Variants in RLIM observed in about 807,000 individuals in gnomAD.
RLIM encodes the protein ring finger protein, LIM domain interacting, also known as E3 ubiquitin-protein ligase RLIM.
Under a neutral mutation model 34.0 loss-of-function variants are expected in RLIM, and 2 were observed. The observed-to-expected ratio is 0.06, with a 90% CI of 0.02 to 0.19. The LOEUF is 0.19. Ranked by LOEUF, RLIM falls within the 10% of genes least tolerant of loss-of-function variation. RLIM has a pLI of 1.00. For missense variants in RLIM, 286 were observed against 479.7 expected (o/e 0.60, Z 3.77); for synonymous variants, 169 against 164.0 (o/e 1.03, Z -0.23).
intron 1 of RLIM, among the ~76,000 whole-genome samples, chrX:74,597,600 T>G (rs1325941264): frequency 8.9e-6 from 1 of 111,957 alleles, no homozygotes; most frequent in Non-Finnish European, 1.9e-5. Flanking sequence ...AAAATATATA[T>G]GGAATGGAAA....
At chrX:74,603,301 C>T (rs768862397) in intron 1 of RLIM, among the ~76,000 whole-genome samples, 2 of 110,226 alleles carry the variant, frequency 1.8e-5, no homozygotes, top group Admixed American at 1.9e-4. Flanking sequence ...GCTTTACCAC[C>T]GTCACAATGT....
intron 1 of RLIM, among the ~76,000 whole-genome samples, chrX:74,596,404 C>A (rs756585934): frequency 9.0e-6 from 1 of 111,664 alleles, no homozygotes; most frequent in African/African-American, 3.3e-5. Context: ...TGCCACCACG[C>A]CCAGCTAATT....
intron 1 of RLIM, among the ~76,000 whole-genome samples, chrX:74,608,748 T>C (rs1394770491): frequency 8.9e-6 from 1 of 112,240 alleles, no homozygotes; most frequent in Non-Finnish European, 1.9e-5. Context: ...ACTAAAACGC[T>C]CTAAAACAGT....
intron 1 of RLIM, among the ~76,000 whole-genome samples, chrX:74,611,766 T>C (rs1028744439): frequency 8.9e-6 from 1 of 112,290 alleles, no homozygotes; most frequent in Non-Finnish European, 1.9e-5. Flanking sequence ...TGGGATAAAA[T>C]GAGGGCTCCA....
At chrX:74,611,782 T>A in intron 1 of RLIM, among the ~76,000 whole-genome samples, 1 of 112,231 alleles carries the variant, frequency 8.9e-6, no homozygotes, top group Non-Finnish European at 1.9e-5. Flanking sequence ...CTCCACCACT[T>A]AAAGCTATTT....
intron 1 of RLIM, chrX:74,612,692 T>C (rs1173166304): frequency 9.0e-6 from 1 of 110,567 alleles, no homozygotes; most frequent in African/African-American, 3.3e-5. Context: ...AAGATACACA[T>C]TTTCTTTGAA....
rs1931321598 is a variant in RLIM at position 74,585,331 on chromosome X, C to T, written c.*6109G>A. On this transcript the variant is annotated 3_prime_UTR_variant, in exon 4 of 4. Transcript: ENST00000332687. ...TTATAACATATAAACCAGTACCTGC[C>T]CACACTCATAGCAGTGAGGGGAATA... 1 of 111,812 alleles carries T rather than the reference C, an allele frequency of 8.9e-6. No individual in the cohort carries two copies. Among genetic ancestry groups the T allele is most frequent in the Admixed American group, 9.5e-5 (1 of 10,509 alleles). The allele number at this position is 111,812 out of a possible 1,213,427, so 9.2% of individuals were successfully genotyped here. A position where few individuals can be genotyped will look rare whatever the true frequency, so the allele number is the denominator to read the frequency against.
chrX:74,603,965 C>T (rs1181464222), intron 1 of RLIM, among the ~76,000 whole-genome samples: 1 of 109,570 alleles, frequency 9.1e-6, no homozygotes, highest in South Asian at 3.9e-4. Context: ...AAAAATTAGC[C>T]GGACGTGGTA....
At chrX:74,600,305 A>T (rs1156355123) in intron 1 of RLIM, among the ~76,000 whole-genome samples, 1 of 111,174 alleles carries the variant, frequency 9.0e-6, no homozygotes, top group African/African-American at 3.3e-5. Context: ...AAACAAAACA[A>T]AACAAAAAAA....
chrX:74,611,516 A>G (rs1272792627), intron 1 of RLIM, among the ~76,000 whole-genome samples: 2 of 112,212 alleles, frequency 1.8e-5, no homozygotes, highest in Admixed American at 9.5e-5. Context: ...ACATCTATCA[A>G]TGAGCCCATC....
chrX:74,600,607 A>G (rs755488254), intron 1 of RLIM, among the ~76,000 whole-genome samples: 11 of 111,526 alleles, frequency 9.9e-5, no homozygotes, highest in South Asian at 3.7e-4. Context: ...TAAATCTTCC[A>G]AAGAAGGCAA....
chrX:74,609,673 G>C (rs888017688), intron 1 of RLIM, among the ~76,000 whole-genome samples: 3 of 109,878 alleles, frequency 2.7e-5, no homozygotes, highest in African/African-American at 9.9e-5. Flanking sequence ...ATATATCTTT[G>C]GTTTGTCCAG....
rs781735437 is a variant in RLIM at position 74,608,766 on chromosome X, G to A, written c.-24+5656C>T. ...AAAACGCTCTAAAACAGTTAAAACT[G>A]AAAGAGTGTTAAGAACTTCAGTAAA... On this transcript the variant is annotated intron_variant, in intron 1 of 3. Transcript: ENST00000332687. 2.0e-4 allele frequency among the ~76,000 whole-genome samples: 22 copies of A among 112,266 alleles called. No individual in the cohort carries two copies. The East Asian group carries it at 6.2e-3, about 31-fold the overall frequency.
intron 1 of RLIM, among the ~76,000 whole-genome samples, chrX:74,603,298 C>T (rs1339724558): frequency 9.1e-6 from 1 of 110,091 alleles, no homozygotes; most frequent in African/African-American, 3.3e-5. Flanking sequence ...TGTGCTTTAC[C>T]ACCGTCACAA....
At chrX:74,596,037 G>T (rs927516266) in intron 1 of RLIM, 37 bp from the exon 2 acceptor site, 1 of 892,751 alleles carries the variant, frequency 1.1e-6, no homozygotes, top group Non-Finnish European at 1.6e-6. Context: ...GAAAATAAAG[G>T]TCACTATGTA....
chrX:74,602,171 T>C (rs2079664191), intron 1 of RLIM, among the ~76,000 whole-genome samples: 1 of 111,601 alleles, frequency 9.0e-6, no homozygotes. Flanking sequence ...TAGGATGGGC[T>C]GAAATAAAAA....
chrX:74,610,304 C>G (rs2079703334), intron 1 of RLIM, among the ~76,000 whole-genome samples: 1 of 110,796 alleles, frequency 9.0e-6, no homozygotes, highest in East Asian at 2.9e-4. Context: ...GTAATCCCAG[C>G]TACTCGGGAG....
At position 74,588,922 on chromosome X, in the gene RLIM, A is replaced by C. The variant is rs763955380; in HGVS notation, c.*2518T>G. 8.9e-6 allele frequency: 1 copy of C among 112,238 alleles called. No homozygotes were observed. The highest frequency in any genetic ancestry group is 3.2e-5 in the African/African-American group (1 of 30,965). 9.2% of individuals were successfully genotyped at this position (112,238 alleles called of 1,213,427 possible). A position where few individuals can be genotyped will look rare whatever the true frequency, so the allele number is the denominator to read the frequency against. Reference sequence around the variant, plus strand: ...ATCGCAAGATTAAAAATTAAGTAGCAAATTCCACTAAAACACTTGTATTCA... The same window carrying C: ...ATCGCAAGATTAAAAATTAAGTAGCCAATTCCACTAAAACACTTGTATTCA... On this transcript the variant is annotated 3_prime_UTR_variant, in exon 4 of 4. Transcript: ENST00000332687.
chrX:74,603,105 T>C (rs185681149), intron 1 of RLIM, among the ~76,000 whole-genome samples: 104 of 110,461 alleles, frequency 9.4e-4, no homozygotes, highest in African/African-American at 3.3e-3. Flanking sequence ...CAGAAGAGAC[T>C]GATTCCAAAA....
Sources: gnomAD v4.1 joint callset for allele counts (sites outside exome capture counted in the v4.1 genomes callset) on GRCh38, gnomAD v4.1.1 for gene constraint, MANE v1.5 for transcripts, NCBI Gene and HGNC (gene_info 2026-07-23, HGNC 2026-07-21) for gene names.